Variants in PPFIBP1 observed in about 807,000 individuals in gnomAD.
PPFIBP1 encodes liprin-beta-1.
Under a neutral mutation model 137.8 loss-of-function variants are expected in PPFIBP1, and 112 were observed. That is an observed-to-expected ratio of 0.81 (90% confidence interval 0.70 to 0.95). The LOEUF (loss-of-function observed/expected upper bound fraction) is 0.95, where lower values mean the gene tolerates loss of function less well. PPFIBP1 is among the 40% of genes least tolerant of loss of function. The pLI, the probability that PPFIBP1 is intolerant of heterozygous loss-of-function variation, is 0.00. For missense variants in PPFIBP1, 1,083 were observed against 1,196.6 expected, an observed-to-expected ratio of 0.91 and a Z score of 1.40; for synonymous variants, 378 against 417.3, an observed-to-expected ratio of 0.91 and a Z score of 1.15.
chr12:27,563,562 C>T (rs1346505198), intron 1 of PPFIBP1, among the ~76,000 whole-genome samples: 4 of 151,778 alleles, frequency 2.6e-5, no homozygotes, highest in Non-Finnish European at 2.9e-5. Flanking sequence ...TAAGAGGAGA[C>T]TCCACCTGCC....
chr12:27,671,325 G>T, intron 13 of PPFIBP1, 106 bp from the exon 14 acceptor site: 1 of 615,610 alleles, frequency 1.6e-6, no homozygotes, highest in East Asian at 3.0e-5. Flanking sequence ...CACTGATTAT[G>T]AGATTTTGTC....
chr12:27,585,253 CTT>C (rs2051592305), intron 2 of PPFIBP1, among the ~76,000 whole-genome samples: 1 of 152,206 alleles, frequency 6.6e-6, no homozygotes, highest in Non-Finnish European at 1.5e-5. Context: ...TTGTAAGTCA[CTT>C]TGTACTATAA....
chr12:27,587,704 T>C (rs1311275161), intron 2 of PPFIBP1, among the ~76,000 whole-genome samples: 1 of 152,058 alleles, frequency 6.6e-6, no homozygotes, highest in South Asian at 2.1e-4. Context: ...ATACTACTTA[T>C]TTACTAGAGC....
At chr12:27,581,506 G>T (rs188894671) in intron 2 of PPFIBP1, among the ~76,000 whole-genome samples, 220 of 152,326 alleles carry the variant, frequency 1.4e-3, no homozygotes, top group Non-Finnish European at 1.3e-3. Context: ...GTAGTGGTTT[G>T]TAAGTAGGCA....
intron 2 of PPFIBP1, among the ~76,000 whole-genome samples, chr12:27,609,809 C>G (rs1437328478): frequency 2.0e-5 from 3 of 152,288 alleles, no homozygotes; most frequent in Non-Finnish European, 4.4e-5. Flanking sequence ...GGTGTTTAAA[C>G]CCACTGCTCT....
chr12:27,564,523 G>A (rs935210364), intron 1 of PPFIBP1, among the ~76,000 whole-genome samples: 2 of 152,132 alleles, frequency 1.3e-5, no homozygotes, highest in African/African-American at 4.8e-5. Context: ...AAGTTGAATG[G>A]CAGGGAGATG....
At chr12:27,594,762 A>G (rs2052993636) in intron 2 of PPFIBP1, among the ~76,000 whole-genome samples, 3 of 152,218 alleles carry the variant, frequency 2.0e-5, no homozygotes, top group Admixed American at 6.5e-5. Context: ...AAAGGTAATA[A>G]CTATCAAAAC....
chr12:27,551,129 A>G lies in PPFIBP1; in HGVS notation c.-124+26764A>G, dbSNP rs564424050. Among the ~76,000 whole-genome samples, 148 of 152,150 alleles carry G rather than the reference A, an allele frequency of 9.7e-4. 1 individual carries two copies. Among genetic ancestry groups the G allele is most frequent in the Middle Eastern group, 6.8e-3 (2 of 294 alleles). ...ATCACATAGCTTGTAGTAAAAGTCA[A>G]TCTGCACCATGGTAGTTAAGAGTTC... On this transcript the variant is annotated intron_variant, in intron 1 of 29. Coordinates refer to ENST00000228425, the MANE Select transcript of PPFIBP1 (RefSeq NM_003622.4).
intron 2 of PPFIBP1, among the ~76,000 whole-genome samples, chr12:27,590,727 G>A (rs112685407): frequency 5.9e-5 from 9 of 152,322 alleles, no homozygotes; most frequent in African/African-American, 2.2e-4. Flanking sequence ...AGGAAATGGG[G>A]AGGGAAATCC....
chr12:27,657,502 A>G (rs1298676880), intron 9 of PPFIBP1, among the ~76,000 whole-genome samples: 1 of 151,016 alleles, frequency 6.6e-6, no homozygotes. Context: ...AAACAGTACA[A>G]ATTCCAGTTA....
chr12:27,625,997 A>G (rs866014324), intron 2 of PPFIBP1, among the ~76,000 whole-genome samples: 4 of 152,088 alleles, frequency 2.6e-5, no homozygotes, highest in Non-Finnish European at 4.4e-5. Flanking sequence ...TAAAAAAAGT[A>G]TTGTAACATT....
rs2061270180 is a variant in PPFIBP1 at position 27,687,451 on chromosome 12, G to T, written c.2314G>T (p.Val772Phe). Residue 772 changes from valine (V) to phenylalanine (F), a missense_variant, in exon 25 of 30, where the codon GTC becomes TTC. Transcript: ENST00000228425. ...TCTCAGTATCAAAAGGGCCATCCAGGTCCTGAGGATCAATAACTTTGAACC... is the reference window on the plus strand; with the variant it reads ...TCTCAGTATCAAAAGGGCCATCCAGTTCCTGAGGATCAATAACTTTGAACC... Reference protein sequence around the residue: ...HHLSIKRAIQVLRINNFEPNC... With the variant: ...HHLSIKRAIQFLRINNFEPNC... 6.2e-7 allele frequency: 1 copy of T among 1,613,948 alleles called. No individual in the cohort carries two copies. The highest frequency in any genetic ancestry group is 1.3e-5 in the African/African-American group (1 of 74,928).
chr12:27,600,395 C>G (rs905847855), intron 2 of PPFIBP1, among the ~76,000 whole-genome samples: 15 of 150,574 alleles, frequency 1.0e-4, no homozygotes, highest in African/African-American at 3.7e-4. Context: ...GAGATCGGGC[C>G]ACTGCACTCC....
chr12:27,663,525 GT>G (rs1277876202), intron 11 of PPFIBP1, among the ~76,000 whole-genome samples: 1 of 152,108 alleles, frequency 6.6e-6, no homozygotes, highest in African/African-American at 2.4e-5. Flanking sequence ...GGTCAGTCAA[GT>G]GCCATATGGA....
intron 1 of PPFIBP1, chr12:27,547,558 G>C (rs1946352373): frequency 6.6e-6 from 1 of 152,268 alleles, no homozygotes; most frequent in African/African-American, 2.4e-5. Flanking sequence ...CTGAGACCAG[G>C]AGTGGGGTGC....
Position 27,594,093 on chromosome 12 carries a change from G to C in PPFIBP1, c.-36+15854G>C. The stretch of plus-strand genomic sequence containing the variant: ...CTTGAGAAGCTTCAAAAAAAGAAAA[G>C]AAGAAAAAAGAAAAAGTAGGTGGGA... On this transcript the variant is annotated intron_variant, in intron 2 of 29. Coordinates refer to ENST00000228425, the MANE Select transcript of PPFIBP1 (RefSeq NM_003622.4). The C allele has an allele frequency of 7.1e-6, 8 of 1,129,344 alleles. No individual in the cohort carries two copies. In the East Asian group the frequency reaches 1.0e-4, roughly 15 times the overall value. 70.0% of individuals were successfully genotyped at this position (1,129,344 alleles called of 1,614,324 possible).
At chr12:27,562,266 T>C (rs1162371373) in intron 1 of PPFIBP1, among the ~76,000 whole-genome samples, 1 of 152,026 alleles carries the variant, frequency 6.6e-6, no homozygotes, top group Non-Finnish European at 1.5e-5. Flanking sequence ...CCATAAATAT[T>C]TGTTGAATAA....
rs1013492275 is a variant in PPFIBP1, at chr12:27,565,256, A to G, written c.-123-12896A>G. On this transcript the variant is annotated intron_variant, in intron 1 of 29. Coordinates refer to ENST00000228425, the MANE Select transcript of PPFIBP1 (RefSeq NM_003622.4). The stretch of plus-strand genomic sequence containing the variant: ...GCAGGGGCTGTTGTAGACTTGCAGG[A>G]GGCTGGCCTTGCCCAAGGAGGGGCA... 2.6e-5 allele frequency among the ~76,000 whole-genome samples: 4 copies of G among 152,206 alleles called. No homozygotes were observed. In the East Asian group the frequency reaches 7.7e-4, roughly 29 times the overall value.
At chr12:27,546,955 T>C (rs1946294929) in intron 1 of PPFIBP1, 1 of 152,176 alleles carries the variant, frequency 6.6e-6, no homozygotes, top group Non-Finnish European at 1.5e-5. Context: ...TGAGCCACGA[T>C]TGCACCACTG....
Sources: gnomAD v4.1 joint callset for allele counts (sites outside exome capture counted in the v4.1 genomes callset) on GRCh38, gnomAD v4.1.1 for gene constraint, MANE v1.5 for transcripts, NCBI Gene and HGNC (gene_info 2026-07-23, HGNC 2026-07-21) for gene names.